CFLAR: variants seen among roughly 807,000 people sequenced by gnomAD.
CFLAR encodes the protein CASP8 and FADD like apoptosis regulator, also known as CASP8 and FADD-like apoptosis regulator.
Under a neutral mutation model 51.1 loss-of-function variants are expected in CFLAR, and 14 were observed. The observed-to-expected ratio is 0.27, with a 90% confidence interval of 0.18 to 0.43. CFLAR has a LOEUF of 0.43. Ranked by LOEUF, CFLAR falls within the 20% of genes least tolerant of loss-of-function variation. The pLI, the probability that CFLAR is intolerant of heterozygous loss-of-function variation, is 1.00. For synonymous variants in CFLAR, 210 were observed against 211.6 expected (o/e 0.99, Z 0.06); for missense variants, 390 against 566.5 (o/e 0.69, Z 3.16).
chr2:201,140,379 C>T lies in CFLAR; in HGVS notation c.546C>T (p.Tyr182=). 3 of 1,610,730 alleles carry T rather than the reference C, an allele frequency of 1.9e-6. No homozygotes were observed. The highest frequency in any genetic ancestry group is 2.5e-6 in the Non-Finnish European group (3 of 1,178,952). ...TAGTTCAAGGAGCAGGGACAAGTTA[C>T]AGGAATGTTCTCCAAGCAGCAATCC... The part of the protein sequence containing the change: ...KQSVQGAGTS[Y]RNVLQAAIQK... The change falls in exon 5 of 10, where the codon TAC becomes TAT. Residue 182 remains tyrosine (Y), a synonymous_variant. Transcript: ENST00000309955.
Position 201,138,740 on chromosome 2 carries a change from C to T in CFLAR, c.524-1617C>T, listed in dbSNP as rs2050513128. ...TAAAGCCCGGTTCAAACTTCTTGAC[C>T]TTCTGCACCTCACTGGCCTGGAACT... On this transcript the variant is annotated intron_variant, in intron 4 of 9. Coordinates refer to ENST00000309955, the MANE Select transcript of CFLAR (RefSeq NM_003879.7). This position sits in a 1 kb window ranked among gnomAD's most constrained non-coding sequence, Gnocchi z 4.0. 2.6e-6 allele frequency: 2 copies of T among 777,726 alleles called. No homozygotes were observed. 48.2% of individuals were successfully genotyped at this position (777,726 alleles called of 1,614,324 possible).
rs1943800719 is a variant in CFLAR, at chr2:201,168,449, T to C, written c.*4476T>C. 6.6e-6 allele frequency: 1 copy of C among 152,096 alleles called. No individual in the cohort carries two copies. The highest frequency in any genetic ancestry group is 2.4e-5 in the African/African-American group (1 of 41,404). The allele number at this position is 152,096 out of a possible 1,614,324, so 9.4% of individuals were successfully genotyped here. A position where few individuals can be genotyped will look rare whatever the true frequency, so the allele number is the denominator to read the frequency against. ...GTTGCTTCATGTTAAAAACTCTCAATAAACTAGGTATTGATGGAAAATATC... is the reference window on the plus strand; with the variant it reads ...GTTGCTTCATGTTAAAAACTCTCAACAAACTAGGTATTGATGGAAAATATC... On this transcript the variant is annotated 3_prime_UTR_variant, in exon 10 of 10. Transcript: ENST00000309955.
intron 1 of CFLAR, among the ~76,000 whole-genome samples, chr2:201,129,100 A>G (rs931700215): frequency 1.3e-5 from 2 of 152,332 alleles, no homozygotes; most frequent in African/African-American, 2.4e-5. Context: ...ACTTGGTGGC[A>G]GGTTCTGTGA....
intron 1 of CFLAR, among the ~76,000 whole-genome samples, chr2:201,123,403 C>T (rs1489586070): frequency 6.6e-6 from 1 of 152,198 alleles, no homozygotes; most frequent in African/African-American, 2.4e-5. Flanking sequence ...GATCAAGGTG[C>T]TGACATCTGG....
intron 9 of CFLAR, among the ~76,000 whole-genome samples, chr2:201,161,833 G>T (rs1472343604): frequency 7.6e-6 from 1 of 131,188 alleles, no homozygotes; most frequent in Non-Finnish European, 1.5e-5. Context: ...TGCAACCTCC[G>T]CCTGCTGGGT....
intron 9 of CFLAR, chr2:201,162,684 G>A (rs958560539): frequency 3.7e-5 from 8 of 213,814 alleles, no homozygotes; most frequent in Middle Eastern, 5.7e-4. Context: ...AAGGCATGGC[G>A]ATGAGGCACA....
At chr2:201,121,940 C>T (rs2048226513) in intron 1 of CFLAR, among the ~76,000 whole-genome samples, 1 of 152,170 alleles carries the variant, frequency 6.6e-6, no homozygotes, top group Admixed American at 6.5e-5. Context: ...TTCCTGACTG[C>T]TGTTGCATGA....
intron 3 of CFLAR, among the ~76,000 whole-genome samples, chr2:201,133,928 CAA>C (rs1267307823): frequency 0.046 from 2,292 of 49,556 alleles, 12 homozygotes; most frequent in South Asian, 0.09. Flanking sequence ...GACTCCATCT[CAA>C]AAAAAAAAAA....
chr2:201,140,491 C>T (rs1319936416), intron 5 of CFLAR, 52 bp downstream of exon 5: 3 of 1,388,168 alleles, frequency 2.2e-6, no homozygotes, highest in East Asian at 2.5e-5. Context: ...TTTCAGAGTT[C>T]TAATAAAAAT....
chr2:201,148,220 C>A (rs1940620703), intron 6 of CFLAR: 1 of 152,098 alleles, frequency 6.6e-6, no homozygotes, highest in Non-Finnish European at 1.5e-5. Context: ...TATATGTACA[C>A]AAATATACAT....
chr2:201,141,621 G>T, intron 5 of CFLAR: 1 of 1,300,668 alleles, frequency 7.7e-7, no homozygotes, highest in South Asian at 2.1e-5. Flanking sequence ...TTTTTACTGA[G>T]CTAATTTTAA....
At chr2:201,125,342 T>C (rs946739252) in intron 1 of CFLAR, among the ~76,000 whole-genome samples, 3 of 152,096 alleles carry the variant, frequency 2.0e-5, no homozygotes, top group Admixed American at 2.0e-4. Context: ...CCCAGCTTTA[T>C]GTGAAAGGGA....
chr2:201,173,733 G>C lies in CFLAR; in HGVS notation c.*9760G>C, dbSNP rs1944120190. The C allele has an allele frequency of 6.6e-6, 1 of 151,032 alleles. No homozygotes were observed. Among genetic ancestry groups the C allele is most frequent in the Non-Finnish European group, 1.5e-5 (1 of 68,032 alleles). The allele number at this position is 151,032 out of a possible 1,614,324, so 9.4% of individuals were successfully genotyped here. On this transcript the variant is annotated 3_prime_UTR_variant, in exon 10 of 10. Transcript: ENST00000309955. ...GTCGCCCAGGTTGGAGTGCAGTGGTGCAATCTCGGCTCACTGCAACCTCCA... is the reference window on the plus strand; with the variant it reads ...GTCGCCCAGGTTGGAGTGCAGTGGTCCAATCTCGGCTCACTGCAACCTCCA...
chr2:201,140,107 A>C, intron 4 of CFLAR: 11 of 181,850 alleles, frequency 6.0e-5, no homozygotes, highest in East Asian at 2.4e-4. Flanking sequence ...CGCTGCAGCC[A>C]GGCGCCGGGT....
chr2:201,154,119 T>C, intron 8 of CFLAR: 1 of 296,408 alleles, frequency 3.4e-6, no homozygotes, highest in Admixed American at 4.5e-5. Context: ...AAGACGGAGT[T>C]TCCCTTTTGT....
At chr2:201,119,181 C>G (rs1383165794) in intron 1 of CFLAR, 1 of 152,266 alleles carries the variant, frequency 6.6e-6, no homozygotes. Context: ...TTTATGGACT[C>G]CAATGCCTCC....
intron 1 of CFLAR, among the ~76,000 whole-genome samples, chr2:201,123,080 A>G (rs1194185002): frequency 6.6e-6 from 1 of 152,196 alleles, no homozygotes; most frequent in Non-Finnish European, 1.5e-5. Flanking sequence ...GCACTACATC[A>G]ACTGATTTAG....
intron 9 of CFLAR, among the ~76,000 whole-genome samples, chr2:201,162,305 T>C (rs972872773): frequency 6.6e-6 from 1 of 152,102 alleles, no homozygotes; most frequent in Non-Finnish European, 1.5e-5. Flanking sequence ...GGTTTCACCA[T>C]GTTGGCCAGG....
At chr2:201,141,264 T>C (rs978359611) in intron 5 of CFLAR, 2 of 1,407,882 alleles carry the variant, frequency 1.4e-6, no homozygotes, top group Non-Finnish European at 1.9e-6. Flanking sequence ...CCTATAATAC[T>C]GACCTCCAAT....
Sources: allele counts gnomAD v4.1 joint callset (sites outside exome capture counted in the v4.1 genomes callset), GRCh38; gene constraint gnomAD v4.1.1; non-coding constraint Gnocchi (gnomAD v3.1); transcripts MANE v1.5; gene names NCBI Gene and HGNC (gene_info 2026-07-23, HGNC 2026-07-21).